PBX3: variants seen among roughly 807,000 people sequenced by gnomAD.
PBX3 encodes PBX homeobox 3.
In PBX3, 14 loss-of-function variants were observed where a neutral mutation model predicts 48.5. The observed-to-expected ratio is 0.29, with a 90% CI of 0.19 to 0.45. PBX3 has a LOEUF of 0.45. Among genes scored for constraint, PBX3 ranks in the 20% least tolerant of loss-of-function variants. PBX3 has a pLI of 1.00. For missense variants in PBX3, 386 were observed against 546.7 expected, an observed-to-expected ratio of 0.71 and a Z score of 2.93; for synonymous variants, 210 against 200.3, an observed-to-expected ratio of 1.05 and a Z score of -0.41.
intron 2 of PBX3, among the ~76,000 whole-genome samples, chr9:125,871,457 A>G (rs1325032334): frequency 2.6e-5 from 4 of 152,178 alleles, no homozygotes; most frequent in Non-Finnish European, 4.4e-5. Context: ...ATAGGTCAAC[A>G]ATGGAATATG....
chr9:125,907,482 G>A (rs1396684035), intron 2 of PBX3, among the ~76,000 whole-genome samples: 1 of 152,008 alleles, frequency 6.6e-6, no homozygotes, highest in Non-Finnish European at 1.5e-5. Context: ...TAATTCATAT[G>A]ATTTAAAGTG....
At chr9:125,774,767 A>T (rs765286888) in intron 2 of PBX3, among the ~76,000 whole-genome samples, 1 of 152,042 alleles carries the variant, frequency 6.6e-6, no homozygotes, top group African/African-American at 2.4e-5. Flanking sequence ...TACAGCTAGG[A>T]GTAGAACTGC....
chr9:125,834,948 C>T (rs1044616356), intron 2 of PBX3, among the ~76,000 whole-genome samples: 4 of 123,940 alleles, frequency 3.2e-5, no homozygotes, highest in Admixed American at 1.1e-4. Flanking sequence ...ATCTGGGAGG[C>T]AGAAGTTGCA....
intron 5 of PBX3, among the ~76,000 whole-genome samples, chr9:125,950,021 A>G (rs1842158798): frequency 1.3e-5 from 2 of 152,212 alleles, no homozygotes; most frequent in South Asian, 4.1e-4. Context: ...AAGGAAAACT[A>G]TTGAGTTGTA....
intron 2 of PBX3, among the ~76,000 whole-genome samples, chr9:125,894,706 C>A (rs1200389803): frequency 3.3e-5 from 5 of 152,108 alleles, no homozygotes; most frequent in African/African-American, 9.7e-5. Context: ...ACAGATATAG[C>A]TTGTGGCAAA....
chr9:125,895,108 A>C (rs913096344), intron 2 of PBX3, among the ~76,000 whole-genome samples: 1 of 152,084 alleles, frequency 6.6e-6, no homozygotes, highest in African/African-American at 2.4e-5. Context: ...TCTAAGATTT[A>C]ATTGTGTTAG....
chr9:125,931,612 C>A (rs577219338), intron 4 of PBX3, among the ~76,000 whole-genome samples: 7 of 152,238 alleles, frequency 4.6e-5, no homozygotes, highest in African/African-American at 1.7e-4. Context: ...CATATAATTT[C>A]TTCCTTTCTT....
intron 2 of PBX3, among the ~76,000 whole-genome samples, chr9:125,754,590 C>T (rs901997965): frequency 4.7e-5 from 5 of 107,354 alleles, no homozygotes; most frequent in Non-Finnish European, 1.1e-4. Flanking sequence ...CCTTCAAACT[C>T]AGAACATATT....
At chr9:125,925,463 ATTTTCTTTC>A (rs1841554797) in intron 3 of PBX3, among the ~76,000 whole-genome samples, 2 of 151,486 alleles carry the variant, frequency 1.3e-5, no homozygotes, top group African/African-American at 2.4e-5. Context: ...TTCTTTCTTA[ATTTTCTTTC>A]TTTTCTTTCT....
intron 5 of PBX3, among the ~76,000 whole-genome samples, chr9:125,954,855 A>G (rs994943755): frequency 4.6e-5 from 7 of 152,170 alleles, no homozygotes; most frequent in Admixed American, 4.6e-4. Context: ...TTTTAAATGG[A>G]TAATGGGTAT....
intron 8 of PBX3, among the ~76,000 whole-genome samples, chr9:125,964,912 C>A (rs1204177877): frequency 2.0e-5 from 3 of 152,088 alleles, no homozygotes; most frequent in African/African-American, 4.8e-5. Context: ...GTAGGAGGTC[C>A]GGGTCTGGGG....
intron 2 of PBX3, among the ~76,000 whole-genome samples, chr9:125,781,000 AT>A (rs1837288290): frequency 2.4e-5 from 1 of 42,536 alleles, no homozygotes; most frequent in Non-Finnish European, 4.1e-5. Context: ...CCTAGATGGG[AT>A]GGCGGCCGGG....
chr9:125,791,619 TC>T (rs1285682350), intron 2 of PBX3, among the ~76,000 whole-genome samples: 5 of 152,140 alleles, frequency 3.3e-5, no homozygotes, highest in Admixed American at 1.3e-4. Context: ...TGTGCCTGCT[TC>T]CCCTTTGCCT....
chr9:125,776,248 C>T (rs1389040188), intron 2 of PBX3, among the ~76,000 whole-genome samples: 3 of 152,060 alleles, frequency 2.0e-5, no homozygotes, highest in African/African-American at 7.2e-5. Context: ...AGCTATTTAC[C>T]ATGTTGAGGA....
chr9:125,814,343 CT>C (rs977747181), intron 2 of PBX3, among the ~76,000 whole-genome samples: 5 of 150,294 alleles, frequency 3.3e-5, no homozygotes, highest in Non-Finnish European at 5.9e-5. Context: ...TGTTCCATCT[CT>C]TTTTTTTTGG....
At chr9:125,899,718 A>T (rs752346344) in intron 2 of PBX3, among the ~76,000 whole-genome samples, 4 of 151,616 alleles carry the variant, frequency 2.6e-5, no homozygotes, top group Non-Finnish European at 5.9e-5. Flanking sequence ...AAAAGAAAAG[A>T]TAATTTGTCC....
chr9:125,792,756 T>A (rs1837648448), intron 2 of PBX3, among the ~76,000 whole-genome samples: 1 of 150,918 alleles, frequency 6.6e-6, no homozygotes, highest in South Asian at 2.1e-4. Flanking sequence ...TGGAGTGCAG[T>A]GGCACAATCT....
chr9:125,747,715 C>A, intron 1 of PBX3, 62 bp downstream of exon 1: 3 of 1,353,050 alleles, frequency 2.2e-6, no homozygotes, highest in East Asian at 3.1e-5. Flanking sequence ...GCGGCCGAGT[C>A]GAGGCCCGGG....
rs931648092 is a variant in PBX3, at chr9:125,902,590, C to A, written c.275-13096C>A. 3.3e-5 allele frequency among the ~76,000 whole-genome samples: 5 copies of A among 151,802 alleles called. No individual in the cohort carries two copies. The East Asian group carries it at 7.7e-4, about 24-fold the overall frequency. On this transcript the variant is annotated intron_variant, in intron 2 of 8. Coordinates refer to ENST00000373489, the MANE Select transcript of PBX3 (RefSeq NM_006195.6). The stretch of plus-strand genomic sequence containing the variant: ...CCTCATTTAAAACACGCACAATACA[C>A]ATATAAAAATGTTTATTGATGAAAA...
Sources: gnomAD v4.1 joint callset for allele counts (sites outside exome capture counted in the v4.1 genomes callset) on GRCh38, gnomAD v4.1.1 for gene constraint, MANE v1.5 for transcripts, NCBI Gene and HGNC (gene_info 2026-07-23, HGNC 2026-07-21) for gene names.